The following SLC25A46 variants were observed in gnomAD, a reference collection of about 807,000 sequenced individuals.
The protein encoded by SLC25A46 is mitochondrial outer membrane protein SLC25A46.
In SLC25A46, 39 loss-of-function variants were observed where a neutral mutation model predicts 44.6. That is an observed-to-expected ratio of 0.87 (90% CI 0.68 to 1.14). The LOEUF is 1.14. SLC25A46 is among the 50% of genes most tolerant of loss of function. SLC25A46 has a pLI of 0.00. For missense variants in SLC25A46, 547 were observed against 522.7 expected (o/e 1.05, Z -0.45); for synonymous variants, 202 against 185.8 (o/e 1.09, Z -0.71).
intron 5 of SLC25A46, among the ~76,000 whole-genome samples, chr5:110,749,300 C>G (rs1799898964): frequency 6.6e-6 from 1 of 151,090 alleles, no homozygotes; most frequent in Non-Finnish European, 1.5e-5. Flanking sequence ...AGGGACATGT[C>G]TCATATTTGG....
intron 5 of SLC25A46, among the ~76,000 whole-genome samples, chr5:110,749,932 T>G (rs1444301348): frequency 6.6e-6 from 1 of 152,180 alleles, no homozygotes; most frequent in Non-Finnish European, 1.5e-5. Context: ...TTGTATATCA[T>G]CCTATCGATA....
intron 1 of SLC25A46, among the ~76,000 whole-genome samples, chr5:110,740,285 C>T (rs1174046547): frequency 6.6e-6 from 1 of 152,084 alleles, no homozygotes; most frequent in Non-Finnish European, 1.5e-5. Context: ...TTGTAGAAAT[C>T]AGCTTTATTC....
At chr5:110,740,306 G>T (rs534781010) in intron 1 of SLC25A46, among the ~76,000 whole-genome samples, 1 of 151,914 alleles carries the variant, frequency 6.6e-6, no homozygotes, top group African/African-American at 2.4e-5. Flanking sequence ...TTATTTCCTC[G>T]ACTTTGACTT....
intron 2 of SLC25A46, among the ~76,000 whole-genome samples, chr5:110,742,709 G>A (rs2150408383): frequency 6.6e-6 from 1 of 152,090 alleles, no homozygotes; most frequent in African/African-American, 2.4e-5. Flanking sequence ...AAGTAATTGT[G>A]CATGGAGGCT....
chr5:110,755,850 C>T (rs1213707465), intron 6 of SLC25A46: 1 of 167,170 alleles, frequency 6.0e-6, no homozygotes, highest in Non-Finnish European at 1.3e-5. Context: ...ATCAGAGATG[C>T]AAATGTATTT....
intron 5 of SLC25A46, among the ~76,000 whole-genome samples, chr5:110,750,182 T>C (rs1213471250): frequency 7.3e-6 from 1 of 136,194 alleles, no homozygotes; most frequent in Non-Finnish European, 1.6e-5. Flanking sequence ...TTAAATAAAC[T>C]TTGCTAAAAC....
chr5:110,739,505 T>G (rs985018703), intron 1 of SLC25A46, 103 bp downstream of exon 1: 15 of 1,425,720 alleles, frequency 1.1e-5, no homozygotes, highest in Non-Finnish European at 1.8e-6. Flanking sequence ...CTCCTATTCC[T>G]TCTCATCCTA....
At chr5:110,739,606 A>G (rs1166236632) in intron 1 of SLC25A46, among the ~76,000 whole-genome samples, 1 of 152,228 alleles carries the variant, frequency 6.6e-6, no homozygotes, top group Non-Finnish European at 1.5e-5. Flanking sequence ...GATCAACTCC[A>G]AAAAAGACAT....
chr5:110,739,095 C>T lies in SLC25A46; in HGVS notation c.-25C>T, dbSNP rs1051001816. ...CCGGTGGTGGTGGGCTCCGGGCGGG[C>T]TCGCGTCATCCTGCCCCCGCTGCGA... On this transcript the variant is annotated 5_prime_UTR_variant, in exon 1 of 8. Coordinates refer to ENST00000355943, the MANE Select transcript of SLC25A46 (RefSeq NM_138773.4). The T allele has an allele frequency of 6.5e-7, 1 of 1,541,228 alleles. No individual in the cohort carries two copies. The highest frequency in any genetic ancestry group is 2.0e-5 in the Admixed American group (1 of 50,494).
Position 110,754,138 on chromosome 5 carries a change from G to C in SLC25A46, c.564-1327G>C, listed in dbSNP as rs1293663177. On this transcript the variant is annotated intron_variant, in intron 5 of 7. Coordinates refer to ENST00000355943, the MANE Select transcript of SLC25A46 (RefSeq NM_138773.4). ...AGAAATCGGGGGTAGTTGCTCTATTGTCTGAAAGTCTCTGATGTATGTATA... is the reference window on the plus strand; with the variant it reads ...AGAAATCGGGGGTAGTTGCTCTATTCTCTGAAAGTCTCTGATGTATGTATA... The C allele has an allele frequency of 2.6e-5, 4 of 152,112 alleles. No homozygotes were observed. The East Asian group carries it at 7.7e-4, about 29-fold the overall frequency. 9.4% of individuals were successfully genotyped at this position (152,112 alleles called of 1,614,324 possible). A position where few individuals can be genotyped will look rare whatever the true frequency, so the allele number is the denominator to read the frequency against.
At chr5:110,738,872 C>A, upstream of SLC25A46, 2 of 901,676 alleles carry the variant, frequency 2.2e-6, no homozygotes, top group Non-Finnish European at 3.2e-6. Context: ...CACCTATTCC[C>A]TAACGACAAC....
rs766329295 is a variant in SLC25A46 at position 110,761,657 on chromosome 5, C to G, written c.1132C>G (p.Gln378Glu). 1 of 1,613,482 alleles carries G rather than the reference C, an allele frequency of 6.2e-7. No individual in the cohort carries two copies. Among genetic ancestry groups the G allele is most frequent in the South Asian group, 1.1e-5 (1 of 91,070 alleles). Residue 378 changes from glutamine to glutamate, a missense_variant, in exon 8 of 8, where the codon CAG becomes GAG. By Grantham distance (29) the Gln-to-Glu change is conservative. Coordinates refer to ENST00000355943, the MANE Select transcript of SLC25A46 (RefSeq NM_138773.4). The surrounding 1 kb of genome is among the most constrained non-coding windows in gnomAD (Gnocchi z 5.3). ...GMRDCINTIR[Q>E]EEGVFGFYKG... ...GAGAGACTGTATCAATACCATAAGG[C>G]AGGAGGAAGGAGTGTTTGGTTTTTA...
At chr5:110,752,992 A>G (rs1428353140) in intron 5 of SLC25A46, among the ~76,000 whole-genome samples, 1 of 152,154 alleles carries the variant, frequency 6.6e-6, no homozygotes, top group East Asian at 1.9e-4. Flanking sequence ...ACCAGAAGGC[A>G]GGATAAAAAC....
At chr5:110,756,590 A>C (rs1800118872) in intron 6 of SLC25A46, 112 bp from the exon 7 acceptor site, 1 of 656,132 alleles carries the variant, frequency 1.5e-6, no homozygotes, top group African/African-American at 1.9e-5. Flanking sequence ...AACCTTAAAA[A>C]GATTATTCTA....
chr5:110,752,120 G>A (rs1430147653), intron 5 of SLC25A46, among the ~76,000 whole-genome samples: 1 of 152,056 alleles, frequency 6.6e-6, no homozygotes, highest in East Asian at 1.9e-4. Context: ...ACATTTACTA[G>A]GTAGAACAGG....
At chr5:110,758,790 TAAAAA>T (rs1021458357) in intron 7 of SLC25A46, among the ~76,000 whole-genome samples, 16 of 151,706 alleles carry the variant, frequency 1.1e-4, no homozygotes, top group African/African-American at 3.9e-4. Flanking sequence ...TTAAAAAAAA[TAAAAA>T]AGAAAGAAAG....
At chr5:110,738,203 G>A (rs1289941902), upstream of SLC25A46, 2 of 1,286,100 alleles carry the variant, frequency 1.6e-6, no homozygotes, top group Non-Finnish European at 2.0e-6. Context: ...CCTCAGATCT[G>A]GGGAGGGAGC....
chr5:110,742,294 A>G (rs1799710760), intron 2 of SLC25A46, among the ~76,000 whole-genome samples: 1 of 152,166 alleles, frequency 6.6e-6, no homozygotes, highest in Admixed American at 6.5e-5. Context: ...AGGATAGACT[A>G]GTCATCCAAT....
intron 1 of SLC25A46, among the ~76,000 whole-genome samples, chr5:110,740,726 C>T (rs1001634358): frequency 2.0e-4 from 30 of 152,028 alleles, no homozygotes; most frequent in African/African-American, 5.1e-4. Context: ...CCAAGGCGGG[C>T]GGATCACGAG....
Sources: gnomAD v4.1 joint callset for allele counts (sites outside exome capture counted in the v4.1 genomes callset) on GRCh38, gnomAD v4.1.1 for gene constraint, Gnocchi (gnomAD v3.1) non-coding constraint, MANE v1.5 for transcripts, NCBI Gene and HGNC (gene_info 2026-07-23, HGNC 2026-07-21) for gene names.